The following FCMR variants were observed in gnomAD, a reference collection of about 807,000 sequenced individuals.
FCMR encodes immunoglobulin mu Fc receptor.
Under a neutral mutation model 41.6 loss-of-function variants are expected in FCMR, and 34 were observed. That is an observed-to-expected ratio of 0.82 (90% confidence interval 0.62 to 1.09). The LOEUF is 1.09. Among genes scored for constraint, FCMR ranks in the 50% least tolerant of loss-of-function variants. The probability of loss-of-function intolerance (pLI) is 0.00; values close to 1 mark genes in which losing one functional copy is unlikely to be tolerated. For missense variants in FCMR, 496 were observed against 512.5 expected, an observed-to-expected ratio of 0.97 and a Z score of 0.31; for synonymous variants, 209 against 211.8, an observed-to-expected ratio of 0.99 and a Z score of 0.12.
rs1678501731 is a variant in FCMR at position 206,903,856 on chromosome 1, C to T, written c.*1163G>A. ...GACATTCCCTGCTAATAAAAGACAA[C>T]ATAACTCAAGTCTGGCAGACTTTCT... On this transcript the variant is annotated 3_prime_UTR_variant, in exon 8 of 8. Coordinates refer to ENST00000367091, the MANE Select transcript of FCMR (RefSeq NM_005449.5). The T allele has an allele frequency of 6.6e-6, 1 of 152,302 alleles. No homozygotes were observed. Among genetic ancestry groups the T allele is most frequent in the Admixed American group, 6.5e-5 (1 of 15,276 alleles). 9.4% of individuals were successfully genotyped at this position (152,302 alleles called of 1,614,324 possible). A position where few individuals can be genotyped will look rare whatever the true frequency, so the allele number is the denominator to read the frequency against.
chr1:206,909,598 C>T lies in FCMR; in HGVS notation c.986-78G>A, dbSNP rs570564526. 3.9e-5 allele frequency: 50 copies of T among 1,275,232 alleles called. No homozygotes were observed. In the African/African-American group the frequency reaches 6.7e-4, roughly 17 times the overall value. The allele number at this position is 1,275,232 out of a possible 1,614,324, so 79.0% of individuals were successfully genotyped here. Reference sequence around the variant, plus strand: ...GTCATGCTACTACTCCCAGCTCCACCCCCGCCCCACTCCCAGCTCCACCCT... The same window carrying T: ...GTCATGCTACTACTCCCAGCTCCACTCCCGCCCCACTCCCAGCTCCACCCT... On this transcript the variant is annotated intron_variant, in intron 6 of 7. Coordinates refer to ENST00000367091, the MANE Select transcript of FCMR (RefSeq NM_005449.5). This position sits in a 1 kb window ranked among gnomAD's most constrained non-coding sequence, Gnocchi z 5.0.
In FCMR at chr1:206,909,590, A is replaced by G; in HGVS notation, c.986-70T>C. 8.0e-7 allele frequency: 1 copy of G among 1,255,362 alleles called. No homozygotes were observed. 77.8% of individuals were successfully genotyped at this position (1,255,362 alleles called of 1,614,324 possible). ...GCCCCACCGTCATGCTACTACTCCC[A>G]GCTCCACCCCCGCCCCACTCCCAGC... On this transcript the variant is annotated intron_variant, in intron 6 of 7. Coordinates refer to ENST00000367091, the MANE Select transcript of FCMR (RefSeq NM_005449.5). This position sits in a 1 kb window ranked among gnomAD's most constrained non-coding sequence, Gnocchi z 5.0.
intron 7 of FCMR, chr1:206,908,273 C>T (rs1353948156): frequency 1.9e-6 from 2 of 1,066,356 alleles, no homozygotes; most frequent in Non-Finnish European, 1.4e-6. Flanking sequence ...CCTGGCCTGC[C>T]CTTCCTCCAT....
chr1:206,916,543 C>T (rs138239265), intron 1 of FCMR, among the ~76,000 whole-genome samples: 14 of 152,308 alleles, frequency 9.2e-5, no homozygotes, highest in African/African-American at 1.4e-4. Context: ...AGACCCTAGA[C>T]GGATGAAGTG....
rs372964823 is a variant in FCMR at position 206,913,328 on chromosome 1, G to C, written c.374-286C>G. ...CTCAGTGGAGGAAAGGAGAAAGGCG[G>C]GGTTCCAGAGAAATAAAGGATCAGG... On this transcript the variant is annotated intron_variant, in intron 2 of 7. Coordinates refer to ENST00000367091, the MANE Select transcript of FCMR (RefSeq NM_005449.5). 4.6e-5 allele frequency among the ~76,000 whole-genome samples: 7 copies of C among 152,270 alleles called. No homozygotes were observed. In the East Asian group the frequency reaches 1.2e-3, roughly 25 times the overall value.
At position 206,911,923 on chromosome 1, in the gene FCMR, G is replaced by C; in HGVS notation, c.517C>G (p.Pro173Ala). 6.2e-7 allele frequency: 1 copy of C among 1,607,320 alleles called. No individual in the cohort carries two copies. Among genetic ancestry groups the C allele is most frequent in the South Asian group, 1.1e-5 (1 of 89,914 alleles). The change falls in exon 4 of 8, where the codon CCT (proline) becomes GCT (alanine). Residue 173 changes from proline (P) to alanine (A), a missense_variant. Transcript: ENST00000367091. ...GTGGGGGAGGAGTGGTGAACTGGAG[G>C]GACCTTGCCCCTTTGAGCTGGTGTG... ...VTTPAQRGKV[P>A]PVHHSSPTTQ...
chr1:206,912,765 G>C (rs1678999923), intron 3 of FCMR, among the ~76,000 whole-genome samples, 164 bp downstream of exon 3: 1 of 152,228 alleles, frequency 6.6e-6, no homozygotes, highest in African/African-American at 2.4e-5. Context: ...ATGGACCGCA[G>C]ATCTCAGGGA....
At chr1:206,913,566 A>C in intron 2 of FCMR, 193 bp downstream of exon 2, 1 of 603,442 alleles carries the variant, frequency 1.7e-6, no homozygotes, top group South Asian at 2.0e-5. Flanking sequence ...CTTTTCATAC[A>C]TGTTGGGTAG....
Position 206,913,938 on chromosome 1 carries a change from G to T in FCMR, c.194C>A (p.Thr65Asn), listed in dbSNP as rs967220083. ...CTTGTATTCTGCCTTGATGAAGTTG[G>T]TGGTGGATACCACGGTACCACATGT... The part of the protein sequence containing the change: ...SGTCGTVVST[T>N]NFIKAEYKGR... Residue 65 changes from threonine (T) to asparagine (N), a missense_variant, in exon 2 of 8, where the codon ACC becomes AAC. Coordinates refer to ENST00000367091, the MANE Select transcript of FCMR (RefSeq NM_005449.5). 1.2e-6 allele frequency: 2 copies of T among 1,614,182 alleles called. No homozygotes were observed. The highest frequency in any genetic ancestry group is 1.3e-5 in the African/African-American group (1 of 75,030).
Position 206,914,054 on chromosome 1 carries a change from C to A in FCMR, c.78G>T (p.Glu26Asp), listed in dbSNP as rs754442724. The change falls in exon 2 of 8, where the codon GAG (glutamate) becomes GAT (aspartate). Residue 26 changes from glutamate (E) to aspartate (D), a missense_variant. Physicochemically the swap from Glu to Asp is conservative, Grantham distance 45. Transcript: ENST00000367091. ...ALRILPEVKV[E>D]GELGGSVTIK... Reference sequence around the variant, plus strand: ...TGGTAACTGATCCGCCCAGCTCCCCCTCTACCTTTACTTCTGGGAGGATCC... The same window carrying A: ...TGGTAACTGATCCGCCCAGCTCCCCATCTACCTTTACTTCTGGGAGGATCC... The A allele has an allele frequency of 4.3e-6, 7 of 1,614,192 alleles. No homozygotes were observed. In the South Asian group the frequency reaches 6.6e-5, roughly 15 times the overall value.
At chr1:206,908,543 C>G (rs1678778917) in intron 7 of FCMR, among the ~76,000 whole-genome samples, 1 of 152,082 alleles carries the variant, frequency 6.6e-6, no homozygotes, top group Non-Finnish European at 1.5e-5. Context: ...AACTTTCCAC[C>G]TGGTAATATA....
At position 206,911,801 on chromosome 1, in the gene FCMR, G is replaced by C; in HGVS notation, c.639C>G (p.Ile213Met). 2 of 1,612,660 alleles carry C rather than the reference G, an allele frequency of 1.2e-6. No individual in the cohort carries two copies. Among genetic ancestry groups the C allele is most frequent in the Non-Finnish European group, 1.7e-6 (2 of 1,179,444 alleles). ...TFLPSTTASKISALEGLLKPQ... is the reference protein window; with the variant it reads ...TFLPSTTASKMSALEGLLKPQ... ...GCTTGAGCAGCCCCTCCAGAGCTGA[G>C]ATTTTTGAGGCTGTAGTGGATGGCA... Residue 213 changes from isoleucine to methionine, a missense_variant, in exon 4 of 8, where the codon ATC becomes ATG. Coordinates refer to ENST00000367091, the MANE Select transcript of FCMR (RefSeq NM_005449.5).
upstream of FCMR, chr1:206,921,960 C>G: frequency 1.0e-6 from 1 of 998,662 alleles, no homozygotes. Context: ...AAAGAGATTT[C>G]TAGCCCCCAC....
chr1:206,920,022 G>A (rs934959821), intron 1 of FCMR, among the ~76,000 whole-genome samples: 2 of 152,136 alleles, frequency 1.3e-5, no homozygotes, highest in African/African-American at 4.8e-5. Context: ...AATCCACAAG[G>A]AACTTATCAC....
intron 1 of FCMR, among the ~76,000 whole-genome samples, chr1:206,920,141 T>C (rs6694769): frequency 0.088 from 13,345 of 152,054 alleles, 1,987 homozygotes; most frequent in African/African-American, 0.3. Flanking sequence ...AAGTTTGAGA[T>C]GGACTTTGAA....
chr1:206,907,656 G>A (rs1302578071), intron 7 of FCMR: 31 of 776,286 alleles, frequency 4.0e-5, no homozygotes, highest in Non-Finnish European at 5.9e-5. Context: ...GATGGTGGAG[G>A]CCATCTCCTG....
In FCMR at chr1:206,909,588, C is replaced by G; in HGVS notation, c.986-68G>C. 7.8e-7 allele frequency: 1 copy of G among 1,278,884 alleles called. No homozygotes were observed. Among genetic ancestry groups the G allele is most frequent in the Non-Finnish European group, 1.0e-6 (1 of 995,918 alleles). The allele number at this position is 1,278,884 out of a possible 1,614,324, so 79.2% of individuals were successfully genotyped here. A position where few individuals can be genotyped will look rare whatever the true frequency, so the allele number is the denominator to read the frequency against. ...CCGCCCCACCGTCATGCTACTACTC[C>G]CAGCTCCACCCCCGCCCCACTCCCA... On this transcript the variant is annotated intron_variant, in intron 6 of 7. Transcript: ENST00000367091. The surrounding 1 kb of genome is among the most constrained non-coding windows in gnomAD (Gnocchi z 5.0).
intron 1 of FCMR, among the ~76,000 whole-genome samples, chr1:206,917,313 GC>G (rs752687862): frequency 6.6e-6 from 1 of 152,214 alleles, no homozygotes; most frequent in East Asian, 1.9e-4. Context: ...AGGAGAGCTG[GC>G]CTGTGATTTT....
chr1:206,922,027 T>A, upstream of FCMR: 1 of 635,966 alleles, frequency 1.6e-6, no homozygotes, highest in Non-Finnish European at 2.8e-6. Flanking sequence ...CTAACTATTC[T>A]CAGGCTAAAA....
Sources: gnomAD v4.1 joint callset for allele counts (sites outside exome capture counted in the v4.1 genomes callset) on GRCh38, gnomAD v4.1.1 for gene constraint, Gnocchi (gnomAD v3.1) non-coding constraint, MANE v1.5 for transcripts, NCBI Gene and HGNC (gene_info 2026-07-23, HGNC 2026-07-21) for gene names.